DSCAML1: variants seen among roughly 807,000 people sequenced by gnomAD.
The protein encoded by DSCAML1 is cell adhesion molecule DSCAML1.
In DSCAML1, 38 loss-of-function variants were observed where a neutral mutation model predicts 200.5. The observed-to-expected ratio is 0.19, with a 90% confidence interval of 0.15 to 0.25. The LOEUF is 0.25. DSCAML1 is among the 10% of genes least tolerant of loss of function. The probability of loss-of-function intolerance (pLI) is 1.00; values close to 1 mark genes in which losing one functional copy is unlikely to be tolerated. For synonymous variants in DSCAML1, 1,215 were observed against 1,165.0 expected (o/e 1.04, Z -0.87); for missense variants, 2,223 against 2,858.8 (o/e 0.78, Z 5.07).
intron 3 of DSCAML1, among the ~76,000 whole-genome samples, chr11:117,665,396 AC>A (rs1469190018): frequency 2.8e-4 from 42 of 152,318 alleles, no homozygotes; most frequent in African/African-American, 9.6e-4. Flanking sequence ...AGCACAGCTA[AC>A]CCTTCCTGTG....
chr11:117,488,680 C>T (rs551754001), intron 11 of DSCAML1, among the ~76,000 whole-genome samples: 19 of 152,258 alleles, frequency 1.2e-4, no homozygotes, highest in African/African-American at 3.4e-4. Flanking sequence ...ACACATAACC[C>T]GATGCAATGA....
chr11:117,788,999 A>G (rs2055412294), intron 1 of DSCAML1, among the ~76,000 whole-genome samples: 2 of 152,140 alleles, frequency 1.3e-5, no homozygotes, highest in African/African-American at 2.4e-5. Flanking sequence ...CCCTCCCCCA[A>G]CTAAACGCCA....
chr11:117,536,884 C>CT (rs575500510), intron 3 of DSCAML1, among the ~76,000 whole-genome samples: 1 of 152,288 alleles, frequency 6.6e-6, no homozygotes, highest in Admixed American at 6.5e-5. Flanking sequence ...CAGGACTCTA[C>CT]TTTTTTTAAA....
chr11:117,470,502 G>T (rs1008615660), intron 15 of DSCAML1, among the ~76,000 whole-genome samples: 1 of 152,192 alleles, frequency 6.6e-6, no homozygotes, highest in African/African-American at 2.4e-5. Context: ...ATGAACCCAG[G>T]GGGTGGAGCC....
At chr11:117,807,991 T>G (rs1170716707) in intron 1 of DSCAML1, among the ~76,000 whole-genome samples, 1 of 152,146 alleles carries the variant, frequency 6.6e-6, no homozygotes, top group African/African-American at 2.4e-5. Flanking sequence ...CCAGCTAATT[T>G]TTGCATTTTT....
intron 3 of DSCAML1, among the ~76,000 whole-genome samples, chr11:117,655,873 C>T (rs1388458146): frequency 6.6e-6 from 1 of 152,188 alleles, no homozygotes; most frequent in African/African-American, 2.4e-5. Context: ...TACAGAAAGC[C>T]ACAGAAAGCA....
At position 117,642,683 on chromosome 11, in the gene DSCAML1, C is replaced by T. The variant is rs141745342; in HGVS notation, c.512-110161G>A. 3.5e-3 allele frequency among the ~76,000 whole-genome samples: 532 copies of T among 152,332 alleles called. 1 individual carries two copies. Among genetic ancestry groups the T allele is most frequent in the Non-Finnish European group, 6.0e-3 (406 of 68,032 alleles). On this transcript the variant is annotated intron_variant, in intron 3 of 32. Transcript: ENST00000651296. This position sits in a 1 kb window ranked among gnomAD's most constrained non-coding sequence, Gnocchi z 4.1. ...GAGTGGGATCTGTGGCTCCTGGCTG[C>T]TTCTTGGGCCAGTGGATTGTCACGA...
At chr11:117,714,796 T>C (rs2053918529) in intron 3 of DSCAML1, among the ~76,000 whole-genome samples, 1 of 128,588 alleles carries the variant, frequency 7.8e-6, no homozygotes, top group Admixed American at 9.6e-5. Context: ...CACTCCAGTA[T>C]TGGAGACAAG....
rs2051076766 is a variant in DSCAML1, at chr11:117,583,211, T to C, written c.512-50689A>G. On this transcript the variant is annotated intron_variant, in intron 3 of 32. Transcript: ENST00000651296. ...CCCCTGGCCTCTTCTTCCCTACCCA[T>C]TGTCAGTGCAGCTTCCCTTACCAGC... 2.6e-5 allele frequency among the ~76,000 whole-genome samples: 4 copies of C among 151,982 alleles called. No individual in the cohort carries two copies. In the South Asian group the frequency reaches 8.3e-4, roughly 32 times the overall value.
At chr11:117,727,697 C>A (rs2054156835) in intron 3 of DSCAML1, among the ~76,000 whole-genome samples, 1 of 152,278 alleles carries the variant, frequency 6.6e-6, no homozygotes, top group African/African-American at 2.4e-5. Context: ...AAATAACCAA[C>A]CACAGGAGAA....
At chr11:117,521,010 G>T (rs1164295912) in intron 6 of DSCAML1, 120 bp downstream of exon 6, 1 of 1,337,510 alleles carries the variant, frequency 7.5e-7, no homozygotes, top group Non-Finnish European at 1.0e-6. Context: ...TGGTGCACCG[G>T]CCTGGTGTGT....
chr11:117,699,029 G>A (rs149653665), intron 3 of DSCAML1, among the ~76,000 whole-genome samples: 48 of 152,344 alleles, frequency 3.2e-4, no homozygotes, highest in African/African-American at 1.1e-3. Context: ...AAGTCAGTAT[G>A]ACTCACAGAA....
In DSCAML1 at chr11:117,555,465, C is replaced by T. The variant is rs578205805; in HGVS notation, c.512-22943G>A. Among the ~76,000 whole-genome samples the T allele has an allele frequency of 2.2e-4, 34 of 152,260 alleles. No homozygotes were observed. In the East Asian group the frequency reaches 3.1e-3, roughly 14 times the overall value. ...CAGGGAGCCCAGAGGATGAAGTGAC[C>T]GCTGTCTCTGGGAGAGTCAGGGAAG... On this transcript the variant is annotated intron_variant, in intron 3 of 32. Coordinates refer to ENST00000651296, the MANE Select transcript of DSCAML1 (RefSeq NM_020693.4).
Position 117,788,033 on chromosome 11 carries a change from A to G in DSCAML1, c.47-7223T>C, listed in dbSNP as rs1255480244. Among the ~76,000 whole-genome samples, 7 of 152,162 alleles carry G rather than the reference A, an allele frequency of 4.6e-5. No homozygotes were observed. The South Asian group carries it at 1.5e-3, about 32-fold the overall frequency. ...CAAAACCCAGAGGAGGACCAGCCAG[A>G]CGGTGTCTTGCTGCTTCACTAAAAA... is the stretch of plus-strand genomic sequence containing the variant. On this transcript the variant is annotated intron_variant, in intron 1 of 32. Transcript: ENST00000651296.
intron 3 of DSCAML1, among the ~76,000 whole-genome samples, chr11:117,532,827 C>T (rs1282024430): frequency 6.6e-6 from 1 of 151,906 alleles, no homozygotes; most frequent in African/African-American, 2.4e-5. Flanking sequence ...GGTGGGTGTA[C>T]AGATTTAAAA....
At position 117,503,791 on chromosome 11, in the gene DSCAML1, C is replaced by T. The variant is rs555473318; in HGVS notation, c.2359+54G>A. 4.9e-5 allele frequency: 76 copies of T among 1,562,678 alleles called. No individual in the cohort carries two copies. Among genetic ancestry groups the T allele is most frequent in the African/African-American group, 3.6e-4 (27 of 74,284 alleles). On this transcript the variant is annotated intron_variant, in intron 11 of 32. Transcript: ENST00000651296. The surrounding 1 kb of genome is among the most constrained non-coding windows in gnomAD (Gnocchi z 5.2). ...AGAGTAGGCAGGGAGAGTGCAGAGC[C>T]GGGGCTTGGCTGTGATTTGGGGGTG...
Position 117,439,315 on chromosome 11 carries a change from G to A in DSCAML1, c.4095C>T (p.Ala1365=). The change falls in exon 23 of 33, where the codon GCC becomes GCT. Residue 1365 remains alanine, a synonymous_variant. Transcript: ENST00000651296. ...AEDSGYYTCT[A]TNTGGFDTII... Reference sequence around the variant, plus strand: ...TGGTGTCAAAGCCACCAGTGTTGGTGGCCGTGCACGTGTAGTAGCCAGAGT... The same window carrying A: ...TGGTGTCAAAGCCACCAGTGTTGGTAGCCGTGCACGTGTAGTAGCCAGAGT... 1 of 1,614,104 alleles carries A rather than the reference G, an allele frequency of 6.2e-7. No individual in the cohort carries two copies. Among genetic ancestry groups the A allele is most frequent in the African/African-American group, 1.3e-5 (1 of 75,054 alleles).
intron 4 of DSCAML1, among the ~76,000 whole-genome samples, chr11:117,529,425 G>T (rs1663485561): frequency 6.6e-6 from 1 of 152,134 alleles, no homozygotes; most frequent in Admixed American, 6.5e-5. Context: ...AACCCAGCAG[G>T]AGTACATTTT....
chr11:117,801,003 G>C (rs557684178), upstream of DSCAML1: 1 of 152,152 alleles, frequency 6.6e-6, no homozygotes, highest in Non-Finnish European at 1.5e-5. Flanking sequence ...TTCATAAAAG[G>C]AATCAATACT....
Sources: allele counts gnomAD v4.1 joint callset (sites outside exome capture counted in the v4.1 genomes callset), GRCh38; gene constraint gnomAD v4.1.1; non-coding constraint Gnocchi (gnomAD v3.1); transcripts MANE v1.5; gene names NCBI Gene and HGNC (gene_info 2026-07-23, HGNC 2026-07-21).